The following EGFLAM variants were observed in gnomAD, a reference collection of about 807,000 sequenced individuals.
EGFLAM encodes EGF like, fibronectin type III and laminin G domains, also known as pikachurin.
A neutral mutation model predicts 113.1 loss-of-function variants in EGFLAM; 79 were observed. The ratio of observed to expected loss-of-function variants is 0.70; its 90% CI spans 0.58 to 0.84. EGFLAM has a LOEUF of 0.84. Ranked by LOEUF, EGFLAM falls within the 40% of genes least tolerant of loss-of-function variation. The pLI is 0.00. For synonymous variants in EGFLAM, 504 were observed against 487.6 expected, an observed-to-expected ratio of 1.03 and a Z score of -0.44; for missense variants, 1,265 against 1,291.6, an observed-to-expected ratio of 0.98 and a Z score of 0.32.
chr5:38,258,969 T>C (rs1757428666), intron 1 of EGFLAM, 118 bp downstream of exon 1: 3 of 1,103,598 alleles, frequency 2.7e-6, no homozygotes, highest in Non-Finnish European at 3.8e-6. Flanking sequence ...TCTGCTTAAC[T>C]CGCTTCAGCT....
At chr5:38,339,708 A>G (rs943127624) in intron 3 of EGFLAM, among the ~76,000 whole-genome samples, 4 of 152,174 alleles carry the variant, frequency 2.6e-5, no homozygotes, top group Non-Finnish European at 4.4e-5. Flanking sequence ...TTAGCGAGTA[A>G]CAGCATCAAC....
Position 38,348,149 on chromosome 5 carries a change from A to G in EGFLAM, c.292-2352A>G, listed in dbSNP as rs138392965. 1.0e-3 allele frequency among the ~76,000 whole-genome samples: 156 copies of G among 152,178 alleles called. 1 individual carries two copies. In the East Asian group the frequency reaches 0.026, roughly 26 times the overall value. ...TGATTCATTGAGCTTTGGTTATGTT[A>G]CACTTGGGGTGCTTGGTAGTCACTG... On this transcript the variant is annotated intron_variant, in intron 3 of 21. Coordinates refer to ENST00000322350, the MANE Select transcript of EGFLAM (RefSeq NM_152403.4).
At chr5:38,423,807 A>T (rs1741913265) in intron 12 of EGFLAM, among the ~76,000 whole-genome samples, 1 of 152,182 alleles carries the variant, frequency 6.6e-6, no homozygotes, top group African/African-American at 2.4e-5. Context: ...AAATTCTGTT[A>T]GCAGTCCCTG....
chr5:38,425,160 C>A, intron 13 of EGFLAM, 68 bp downstream of exon 13: 3 of 1,553,938 alleles, frequency 1.9e-6, no homozygotes, highest in Non-Finnish European at 2.6e-6. Flanking sequence ...ACTTTATCAT[C>A]AATATAGTTT....
At chr5:38,259,447 T>C (rs189473429) in intron 1 of EGFLAM, among the ~76,000 whole-genome samples, 4 of 152,324 alleles carry the variant, frequency 2.6e-5, no homozygotes, top group African/African-American at 7.2e-5. Flanking sequence ...AACAAAGAAA[T>C]GTACGTTGTA....
At chr5:38,388,845 G>A (rs1181838465) in intron 6 of EGFLAM, among the ~76,000 whole-genome samples, 3 of 150,658 alleles carry the variant, frequency 2.0e-5, no homozygotes, top group Non-Finnish European at 4.4e-5. Context: ...AGCCTGGGAG[G>A]TCGAGGCTGC....
At chr5:38,301,539 G>T (rs1319775271) in intron 1 of EGFLAM, among the ~76,000 whole-genome samples, 1 of 152,136 alleles carries the variant, frequency 6.6e-6, no homozygotes, top group East Asian at 1.9e-4. Flanking sequence ...TAAAAGAAAT[G>T]GGTGGTAGTT....
intron 10 of EGFLAM, among the ~76,000 whole-genome samples, chr5:38,411,107 G>A (rs745391405): frequency 6.6e-5 from 10 of 152,094 alleles, no homozygotes; most frequent in Non-Finnish European, 1.5e-4. Flanking sequence ...AATTGCTTCC[G>A]AGCAGAAGTG....
At chr5:38,389,427 G>A (rs1455270034) in intron 6 of EGFLAM, among the ~76,000 whole-genome samples, 1 of 152,066 alleles carries the variant, frequency 6.6e-6, no homozygotes, top group Non-Finnish European at 1.5e-5. Flanking sequence ...AATTTGTCTA[G>A]ACTGTCAGAT....
chr5:38,331,746 G>A (rs954234218), intron 1 of EGFLAM, among the ~76,000 whole-genome samples: 5 of 151,964 alleles, frequency 3.3e-5, no homozygotes, highest in East Asian at 3.9e-4. Flanking sequence ...CTTCCTTTTC[G>A]TGGCTTGATA....
intron 3 of EGFLAM, among the ~76,000 whole-genome samples, chr5:38,349,796 C>CAG (rs1739569328): frequency 4.7e-5 from 7 of 148,794 alleles, no homozygotes; most frequent in African/African-American, 1.5e-4. Context: ...CACACACACA[C>CAG]ACACACACAC....
Position 38,412,574 on chromosome 5 carries a change from G to T in EGFLAM, c.1420G>T (p.Val474Phe). Residue 474 changes from valine to phenylalanine, a missense_variant, in exon 11 of 22, where the codon GTT (valine) becomes TTT (phenylalanine). Coordinates refer to ENST00000322350, the MANE Select transcript of EGFLAM (RefSeq NM_152403.4). ...TKIKLGGWHT[V>F]MLYRDGLNGL... ...AATCAAACTAGGGGGTTGGCACACG[G>T]TTATGCTCTACAGAGATGGGCTGAA... is the stretch of plus-strand genomic sequence containing the variant. 2 of 1,614,184 alleles carry T rather than the reference G, an allele frequency of 1.2e-6. No homozygotes were observed. Among genetic ancestry groups the T allele is most frequent in the Non-Finnish European group, 1.7e-6 (2 of 1,180,030 alleles).
At chr5:38,420,693 G>A (rs559026798) in intron 12 of EGFLAM, among the ~76,000 whole-genome samples, 2 of 152,220 alleles carry the variant, frequency 1.3e-5, no homozygotes, top group African/African-American at 2.4e-5. Context: ...TTCTTCAGGG[G>A]AACAGCCCTG....
At position 38,448,356 on chromosome 5, in the gene EGFLAM, T is replaced by C; in HGVS notation, c.2520T>C (p.Tyr840=). 3.7e-6 allele frequency: 6 copies of C among 1,614,170 alleles called. No homozygotes were observed. The highest frequency in any genetic ancestry group is 5.1e-6 in the Non-Finnish European group (6 of 1,180,036). ...TTATCGGCCGCAGTTACCTGACGTA[T>C]GACAACCCAGATATCTTGAAGAGGT... ...PQFIGRSYLT[Y]DNPDILKRVS... is the part of the protein sequence containing the mutation. Residue 840 remains tyrosine (Y), a synonymous_variant, in exon 18 of 22, where the codon TAT becomes TAC. Transcript: ENST00000322350.
At chr5:38,425,970 G>T (rs1201195441) in intron 13 of EGFLAM, among the ~76,000 whole-genome samples, 1 of 152,108 alleles carries the variant, frequency 6.6e-6, no homozygotes, top group Non-Finnish European at 1.5e-5. Context: ...GGGTGTGGTG[G>T]TGCACAGCTG....
At chr5:38,338,401 G>C (rs565853038) in intron 2 of EGFLAM, among the ~76,000 whole-genome samples, 1 of 152,254 alleles carries the variant, frequency 6.6e-6, no homozygotes, top group East Asian at 1.9e-4. Flanking sequence ...TCAAAAGTGA[G>C]AAAATGAAAG....
chr5:38,400,648 G>A (rs1420541721), intron 6 of EGFLAM, among the ~76,000 whole-genome samples: 1 of 152,154 alleles, frequency 6.6e-6, no homozygotes, highest in Non-Finnish European at 1.5e-5. Flanking sequence ...CTTCCATCAT[G>A]CTGTGACTGG....
intron 1 of EGFLAM, among the ~76,000 whole-genome samples, chr5:38,301,567 C>G (rs1758579291): frequency 1.3e-5 from 2 of 151,884 alleles, no homozygotes; most frequent in South Asian, 4.2e-4. Flanking sequence ...GAAACAGGGT[C>G]AGGAGAATTT....
At position 38,418,217 on chromosome 5, in the gene EGFLAM, C is replaced by T. The variant is rs1334328207; in HGVS notation, c.1646C>T (p.Pro549Leu). ...AATGGGAGGAGAATTGACATGAGGC[C>T]CTGGCCCCTGGGAAAAGCACTCAGT... is the stretch of plus-strand genomic sequence containing the variant. ...AVNGRRIDMRPWPLGKALSGA... is the reference protein window; with the variant it reads ...AVNGRRIDMRLWPLGKALSGA... Residue 549 changes from proline (P) to leucine (L), a missense_variant, in exon 12 of 22, where the codon CCC (proline) becomes CTC (leucine). Coordinates refer to ENST00000322350, the MANE Select transcript of EGFLAM (RefSeq NM_152403.4). The T allele has an allele frequency of 6.2e-7, 1 of 1,613,692 alleles. No individual in the cohort carries two copies. Among genetic ancestry groups the T allele is most frequent in the Non-Finnish European group, 8.5e-7 (1 of 1,179,906 alleles).
Sources: allele counts gnomAD v4.1 joint callset (sites outside exome capture counted in the v4.1 genomes callset), GRCh38; gene constraint gnomAD v4.1.1; transcripts MANE v1.5; gene names NCBI Gene and HGNC (gene_info 2026-07-23, HGNC 2026-07-21).